Variants in AGXT observed in about 807,000 individuals in gnomAD.
The protein encoded by AGXT is L-alanine: glyoxylate aminotransferase 1.
A neutral mutation model predicts 46.9 loss-of-function variants in AGXT; 41 were observed. The ratio of observed to expected loss-of-function variants is 0.88; its 90% CI spans 0.68 to 1.14. The LOEUF (loss-of-function observed/expected upper bound fraction) is 1.14, where lower values mean the gene tolerates loss of function less well. Among genes scored for constraint, AGXT ranks in the 50% most tolerant of loss-of-function variants. The pLI, the probability that AGXT is intolerant of heterozygous loss-of-function variation, is 0.00. For synonymous variants in AGXT, 244 were observed against 227.9 expected (o/e 1.07, Z -0.64); for missense variants, 525 against 522.7 (o/e 1.00, Z -0.04).
chr2:240,878,980 G>A lies in AGXT; in HGVS notation c.*159G>A. ...GAACCAGGCAGCCTCCCTGGCCCCA[G>A]GCAGCCCTTTTCCCTCCAGTGGCAC... is the stretch of plus-strand genomic sequence containing the variant. On this transcript the variant is annotated 3_prime_UTR_variant, in exon 11 of 11. Coordinates refer to ENST00000307503, the MANE Select transcript of AGXT (RefSeq NM_000030.3). 1.4e-6 allele frequency: 1 copy of A among 740,084 alleles called. No individual in the cohort carries two copies. Among genetic ancestry groups the A allele is most frequent in the East Asian group, 2.7e-5 (1 of 37,136 alleles). 45.8% of individuals were successfully genotyped at this position (740,084 alleles called of 1,614,324 possible).
rs559888879 is a variant in AGXT, at chr2:240,872,601, G to C, written c.525-378G>C. Among the ~76,000 whole-genome samples, 5 of 152,214 alleles carry C rather than the reference G, an allele frequency of 3.3e-5. No individual in the cohort carries two copies. In the South Asian group the frequency reaches 6.2e-4, roughly 19 times the overall value. On this transcript the variant is annotated intron_variant, in intron 4 of 10. Transcript: ENST00000307503. ...GCAGCTGTTGGCAGAGGTAGGCCCA[G>C]CCTGGTGCCACCCTGGTCCCTGGGG...
In AGXT at chr2:240,879,191, T is replaced by C. The variant is rs528750139; in HGVS notation, c.*370T>C. The C allele has an allele frequency of 3.1e-5, 11 of 353,692 alleles. No homozygotes were observed. The highest frequency in any genetic ancestry group is 5.4e-6 in the Non-Finnish European group (1 of 185,802). The allele number at this position is 353,692 out of a possible 1,614,324, so 21.9% of individuals were successfully genotyped here. On this transcript the variant is annotated 3_prime_UTR_variant, in exon 11 of 11. Transcript: ENST00000307503. The stretch of plus-strand genomic sequence containing the variant: ...CCCTGAGCTGCCTGATTGTGGACTT[T>C]AGGGGGACACTCCTCATCCTGGAGC...
intron 2 of AGXT, among the ~76,000 whole-genome samples, chr2:240,869,984 C>A (rs2058983063): frequency 6.6e-6 from 1 of 152,188 alleles, no homozygotes; most frequent in Non-Finnish European, 1.5e-5. Flanking sequence ...CCCAAGTCCA[C>A]AAACTTTTCA....
Position 240,878,901 on chromosome 2 carries a change from G to C in AGXT, c.*80G>C. 1 of 1,399,204 alleles carries C rather than the reference G, an allele frequency of 7.1e-7. No individual in the cohort carries two copies. Among genetic ancestry groups the C allele is most frequent in the Non-Finnish European group, 9.8e-7 (1 of 1,017,938 alleles). The allele number at this position is 1,399,204 out of a possible 1,614,324, so 86.7% of individuals were successfully genotyped here. The stretch of plus-strand genomic sequence containing the variant: ...GAGGGATCAGGAGCAAACAGACCCT[G>C]CAAGGTCCTCCAGGCCTGGGGACAG... On this transcript the variant is annotated 3_prime_UTR_variant, in exon 11 of 11. Coordinates refer to ENST00000307503, the MANE Select transcript of AGXT (RefSeq NM_000030.3).
At chr2:240,874,378 G>A (rs895024381) in intron 6 of AGXT, among the ~76,000 whole-genome samples, 1 of 152,252 alleles carries the variant, frequency 6.6e-6, no homozygotes, top group African/African-American at 2.4e-5. Context: ...CTCTGCCCTG[G>A]CTCAGCTTCC....
chr2:240,873,917 C>G, intron 5 of AGXT, 61 bp from the exon 6 acceptor site: 1 of 1,494,766 alleles, frequency 6.7e-7, no homozygotes. Context: ...GCAGGCATCC[C>G]GCTGGACTGG....
At chr2:240,875,813 C>T (rs975617466) in intron 7 of AGXT, 122 bp from the exon 8 acceptor site, 17 of 1,097,116 alleles carry the variant, frequency 1.5e-5, no homozygotes, top group Admixed American at 1.1e-4. Context: ...GACTCCTCTG[C>T]GGAGGATACC....
chr2:240,877,951 C>T (rs1559571776), intron 9 of AGXT, 71 bp from the exon 10 acceptor site: 3 of 1,586,500 alleles, frequency 1.9e-6, no homozygotes, highest in Admixed American at 1.7e-5. Context: ...GCAGATGGTG[C>T]AGGCCAAGAG....
intron 4 of AGXT, 64 bp from the exon 5 acceptor site, chr2:240,872,915 G>C (rs1343819511): frequency 2.1e-6 from 3 of 1,434,204 alleles, no homozygotes; most frequent in East Asian, 2.3e-5. Context: ...CCAGCCTGGG[G>C]CCAGGCCCTC....
At position 240,874,159 on chromosome 2, in the gene AGXT, C is replaced by T. The variant is rs968782663; in HGVS notation, c.680+97C>T. 3.4e-6 allele frequency: 4 copies of T among 1,173,548 alleles called. No individual in the cohort carries two copies. In the African/African-American group the frequency reaches 6.1e-5, roughly 18 times the overall value. 72.7% of individuals were successfully genotyped at this position (1,173,548 alleles called of 1,614,324 possible). ...AGGGGCGGGAGCCAGGCAGGAAGGG[C>T]TCCCCATGCTCCTCCAGCACCTGGC... On this transcript the variant is annotated intron_variant, in intron 6 of 10. Transcript: ENST00000307503.
chr2:240,872,699 T>A (rs2106429333), intron 4 of AGXT, among the ~76,000 whole-genome samples: 1 of 152,174 alleles, frequency 6.6e-6, no homozygotes, highest in African/African-American at 2.4e-5. Context: ...TCAGCACCAC[T>A]GCCGGGCCCT....
rs1041263627 is a variant in AGXT at position 240,871,589 on chromosome 2, C to A, written c.524+140C>A. On this transcript the variant is annotated intron_variant, in intron 4 of 10. Transcript: ENST00000307503. ...CACATGGTATGGGGTGCAGGCACCT[C>A]CCAGGTCCTCTTTGCTCTGGGCTGA... 1.0e-5 allele frequency: 8 copies of A among 794,262 alleles called. No homozygotes were observed. In the African/African-American group the frequency reaches 1.4e-4, roughly 14 times the overall value. 49.2% of individuals were successfully genotyped at this position (794,262 alleles called of 1,614,324 possible).
chr2:240,875,025 C>T (rs573195332), intron 6 of AGXT, 84 bp from the exon 7 acceptor site: 14 of 1,280,996 alleles, frequency 1.1e-5, no homozygotes, highest in South Asian at 4.8e-5. Context: ...GTCTCACTCC[C>T]GTGAAACAGG....
intron 5 of AGXT, chr2:240,873,359 CA>C: frequency 2.5e-6 from 1 of 395,454 alleles, no homozygotes; most frequent in South Asian, 3.2e-5. Flanking sequence ...GCCAGGGCTC[CA>C]GTCAATCAGG....
chr2:240,872,328 A>AGGGTGAGAGTTCGTGAACATGGAGGC (rs2058995832), intron 4 of AGXT, among the ~76,000 whole-genome samples: 1 of 47,228 alleles, frequency 2.1e-5, no homozygotes, highest in African/African-American at 8.6e-5. Flanking sequence ...AACATGGAGG[A>AGGGTGAGAGTTCGTGAACATGGAGGC]GGAGGAGGGT....
At chr2:240,869,442 A>C in intron 2 of AGXT, 80 bp downstream of exon 2, 1 of 1,466,116 alleles carries the variant, frequency 6.8e-7, no homozygotes, top group South Asian at 1.4e-5. Context: ...TGAAGCTGGC[A>C]GCCCCCGTTC....
At position 240,871,423 on chromosome 2, in the gene AGXT, T is replaced by C. The variant is rs1187379328; in HGVS notation, c.498T>C (p.Leu166=). The C allele has an allele frequency of 1.3e-6, 2 of 1,597,086 alleles. No individual in the cohort carries two copies. The highest frequency in any genetic ancestry group is 1.3e-5 in the African/African-American group (1 of 74,640). The stretch of plus-strand genomic sequence containing the variant: ...CGTCCACCGGCGTGCTGCAGCCCCT[T>C]GATGGCTTCGGGGAACTCTGCCACA... The part of the protein sequence containing the change: ...GESSTGVLQP[L]DGFGELCHRY... The change falls in exon 4 of 11, where the codon CTT becomes CTC. Residue 166 remains leucine, a synonymous_variant. Transcript: ENST00000307503.
chr2:240,868,988 G>C lies in AGXT; in HGVS notation c.123G>C (p.Gly41=), dbSNP rs769473982. The change falls in exon 1 of 11, where the codon GGG becomes GGC. Residue 41 remains glycine (G), a synonymous_variant. Transcript: ENST00000307503. ...SNLPPRIMAA[G]GLQMIGSMSK... ...TGCCTCCTCGCATCATGGCAGCCGGGGGGCTGCAGATGATCGGGTCCATGA... is the reference window on the plus strand; with the variant it reads ...TGCCTCCTCGCATCATGGCAGCCGGCGGGCTGCAGATGATCGGGTCCATGA... 3 of 1,539,574 alleles carry C rather than the reference G, an allele frequency of 1.9e-6. No individual in the cohort carries two copies. In the South Asian group the frequency reaches 3.4e-5, roughly 17 times the overall value.
rs755799928 is a variant in AGXT at position 240,873,934 on chromosome 2, C to T, written c.596-44C>T. The T allele has an allele frequency of 6.9e-6, 11 of 1,584,744 alleles. 1 individual carries two copies. In the South Asian group the frequency reaches 1.1e-4, roughly 16 times the overall value. ...AGGCATCCCGCTGGACTGGCCTGCC[C>T]TGAGGTGGGACTCACCCGTCCCGAG... On this transcript the variant is annotated intron_variant, in intron 5 of 10. Coordinates refer to ENST00000307503, the MANE Select transcript of AGXT (RefSeq NM_000030.3).
Sources: allele counts gnomAD v4.1 joint callset (sites outside exome capture counted in the v4.1 genomes callset), GRCh38; gene constraint gnomAD v4.1.1; transcripts MANE v1.5; gene names NCBI Gene and HGNC (gene_info 2026-07-23, HGNC 2026-07-21).